The following KDM5B variants were observed in gnomAD, a reference collection of about 807,000 sequenced individuals.
The protein encoded by KDM5B is lysine demethylase 5B.
A neutral mutation model predicts 193.4 loss-of-function variants in KDM5B; 144 were observed. The observed-to-expected ratio is 0.74, with a 90% CI of 0.65 to 0.86. The LOEUF is 0.86. Among genes scored for constraint, KDM5B ranks in the 40% least tolerant of loss-of-function variants. KDM5B has a pLI of 0.00. For synonymous variants in KDM5B, 668 were observed against 682.6 expected, an observed-to-expected ratio of 0.98 and a Z score of 0.33; for missense variants, 1,833 against 1,886.9, an observed-to-expected ratio of 0.97 and a Z score of 0.53.
In KDM5B at chr1:202,780,809, CAT is replaced by C. The variant is rs761464376; in HGVS notation, c.205-3717_205-3716del. On this transcript the variant is annotated intron_variant, in intron 1 of 26. Transcript: ENST00000367265. ...TTACTAAAAAAAAAAAAAAAAAATACATATATATGTGGCAAAAGCTGTAATTT... is the reference window on the plus strand; with the variant it reads ...TTACTAAAAAAAAAAAAAAAAAATACATATATGTGGCAAAAGCTGTAATTT... 4.5e-3 allele frequency among the ~76,000 whole-genome samples: 634 copies of C among 141,162 alleles called. 1 individual carries two copies. The highest frequency in any genetic ancestry group is 6.0e-3 in the Non-Finnish European group (385 of 64,396). The allele number at this position is 141,162 out of a possible 152,430, so 92.6% of individuals were successfully genotyped here.
At chr1:202,747,005 C>CGTAT (rs1297166256) in intron 14 of KDM5B, among the ~76,000 whole-genome samples, 2 of 152,146 alleles carry the variant, frequency 1.3e-5, no homozygotes, top group Non-Finnish European at 2.9e-5. Context: ...CTTGGATACA[C>CGTAT]CTTTTGTCAT....
intron 1 of KDM5B, among the ~76,000 whole-genome samples, chr1:202,789,810 A>G (rs1043673495): frequency 6.6e-6 from 1 of 152,002 alleles, no homozygotes; most frequent in East Asian, 1.9e-4. Flanking sequence ...TACCATCTCT[A>G]CAAAATGTTA....
rs1361692190 is a variant in KDM5B at position 202,729,106 on chromosome 1, G to T, written c.4565C>A (p.Pro1522Gln). 6 of 1,613,960 alleles carry T rather than the reference G, an allele frequency of 3.7e-6. No individual in the cohort carries two copies. The highest frequency in any genetic ancestry group is 1.3e-5 in the African/African-American group (1 of 74,896). Residue 1522 changes from proline to glutamine, a missense_variant, in exon 27 of 27, where the codon CCA becomes CAA. Pro to Gln is a moderately conservative substitution (Grantham distance 76). Coordinates refer to ENST00000367265, the MANE Select transcript of KDM5B (RefSeq NM_006618.5). ...WFHQVCVGVS[P>Q]EMAEKEDYIC... ...GTAGTCTTCTTTCTCTGCCATCTCT[G>T]GGGAGACACCAACACAGACCTGATG...
Position 202,774,830 on chromosome 1 carries a change from A to G in KDM5B, c.283-95T>C, listed in dbSNP as rs146496472. Reference sequence around the variant, plus strand: ...TTCTTTCACAGAATATTTAAGTACAATACCACTTAAAAAAATTTTTTTTTA... The same window carrying G: ...TTCTTTCACAGAATATTTAAGTACAGTACCACTTAAAAAAATTTTTTTTTA... On this transcript the variant is annotated intron_variant, in intron 2 of 26. Transcript: ENST00000367265. 1,178 of 1,213,568 alleles carry G rather than the reference A, an allele frequency of 9.7e-4. 17 individuals are homozygous for G. The East Asian group carries it at 0.027, about 28-fold the overall frequency. 75.2% of individuals were successfully genotyped at this position (1,213,568 alleles called of 1,614,324 possible).
chr1:202,739,910 A>C (rs1655240824), intron 20 of KDM5B, among the ~76,000 whole-genome samples: 1 of 152,134 alleles, frequency 6.6e-6, no homozygotes, highest in Non-Finnish European at 1.5e-5. Flanking sequence ...CGATTTCTCA[A>C]TCTTTTCCCC....
Position 202,749,057 on chromosome 1 carries a change from T to C in KDM5B, c.1904A>G (p.Lys635Arg). Residue 635 changes from lysine to arginine, a missense_variant, in exon 14 of 27, where the codon AAG becomes AGG. Lys to Arg is a conservative substitution (Grantham distance 26). Transcript: ENST00000367265. ...CVFSHDEMICKMASKADVLDV... is the reference protein window; with the variant it reads ...CVFSHDEMICRMASKADVLDV... ...TAATACATCAGCCTTGGAAGCCATC[T>C]TGCAGATCATCTCATCGTGGGAAAA... The C allele has an allele frequency of 6.2e-7, 1 of 1,614,166 alleles. No homozygotes were observed. Among genetic ancestry groups the C allele is most frequent in the Non-Finnish European group, 8.5e-7 (1 of 1,179,994 alleles).
At chr1:202,746,479 T>C in intron 14 of KDM5B, 156 bp from the exon 15 acceptor site, 1 of 534,464 alleles carries the variant, frequency 1.9e-6, no homozygotes, top group Non-Finnish European at 3.2e-6. Flanking sequence ...AAGAAACAAA[T>C]GACCTAGCAA....
Position 202,753,069 on chromosome 1 carries a change from T to C in KDM5B, c.1539-2A>G. On this transcript the variant is annotated splice_acceptor_variant, in intron 11 of 26. Coordinates refer to ENST00000367265, the MANE Select transcript of KDM5B (RefSeq NM_006618.5). LOFTEE classifies it high-confidence loss of function. The stretch of plus-strand genomic sequence containing the variant: ...CCATACCAGGTTTTTGGCTCACCCC[T>C]GGAAATAGATTATAAAAATAAATCA... 6.2e-7 allele frequency: 1 copy of C among 1,606,056 alleles called. No homozygotes were observed. Among genetic ancestry groups the C allele is most frequent in the Non-Finnish European group, 8.5e-7 (1 of 1,177,404 alleles).
chr1:202,782,158 A>G (rs1170080032), intron 1 of KDM5B, among the ~76,000 whole-genome samples: 3 of 152,168 alleles, frequency 2.0e-5, no homozygotes, highest in African/African-American at 7.2e-5. Flanking sequence ...TCATTTTTGC[A>G]TGAAAAATGG....
At position 202,755,380 on chromosome 1, in the gene KDM5B, CAGT is replaced by C; in HGVS notation, c.1426_1428del (p.Thr476del). On this transcript the variant is annotated inframe_deletion, in exon 11 of 27. Transcript: ENST00000367265. ...GGAAGTTTCATGCCACATATATCAG[CAGT>C]AATATGTGCAAGGACAGACTGCTCC... 1 of 1,613,874 alleles carries C rather than the reference CAGT, an allele frequency of 6.2e-7. No homozygotes were observed. The highest frequency in any genetic ancestry group is 8.5e-7 in the Non-Finnish European group (1 of 1,179,756).
chr1:202,780,382 G>T (rs1657150530), intron 1 of KDM5B, among the ~76,000 whole-genome samples: 1 of 151,982 alleles, frequency 6.6e-6, no homozygotes, highest in Admixed American at 6.6e-5. Context: ...TAGAAACAGG[G>T]TTTCACCATG....
chr1:202,808,114 C>T lies in KDM5B; in HGVS notation c.192G>A (p.Val64=). ...PIAEQTGICK[V]RPPPDWQPPF... ...TGGCGTGACTCACCGGCGGCGGCCGCACCTTACAGATGCCAGTCTGCTCGG... is the reference window on the plus strand; with the variant it reads ...TGGCGTGACTCACCGGCGGCGGCCGTACCTTACAGATGCCAGTCTGCTCGG... The change falls in exon 1 of 27, where the codon GTG becomes GTA. Residue 64 remains valine (V), a synonymous_variant. Transcript: ENST00000367265. 2 of 1,611,136 alleles carry T rather than the reference C, an allele frequency of 1.2e-6. No individual in the cohort carries two copies. Among genetic ancestry groups the T allele is most frequent in the Non-Finnish European group, 8.5e-7 (1 of 1,178,992 alleles).
At position 202,784,624 on chromosome 1, in the gene KDM5B, T is replaced by G. The variant is rs958007021; in HGVS notation, c.205-7530A>C. On this transcript the variant is annotated intron_variant, in intron 1 of 26. Transcript: ENST00000367265. ...GTAGAACTAGGTCTATCACAACCAT[T>G]ATAAACTCCTATAAAAGACAAGCAG... Among the ~76,000 whole-genome samples, 10 of 152,158 alleles carry G rather than the reference T, an allele frequency of 6.6e-5. 1 individual carries two copies. The South Asian group carries it at 2.1e-3, about 32-fold the overall frequency.
chr1:202,749,108 T>A lies in KDM5B; in HGVS notation c.1853A>T (p.Tyr618Phe). ...CACACAATATCGATGAAGCAAGCGA[T>A]AATGCTCCACACACTGTCGGCCTAA... ...LPLGRQCVEHYRLLHRYCVFS... is the reference protein window; with the variant it reads ...LPLGRQCVEHFRLLHRYCVFS... The change falls in exon 14 of 27, where the codon TAT becomes TTT. Residue 618 changes from tyrosine (Y) to phenylalanine (F), a missense_variant. Tyr to Phe is a conservative substitution (Grantham distance 22, BLOSUM62 3). Coordinates refer to ENST00000367265, the MANE Select transcript of KDM5B (RefSeq NM_006618.5). 6.2e-7 allele frequency: 1 copy of A among 1,613,772 alleles called. No individual in the cohort carries two copies. The highest frequency in any genetic ancestry group is 8.5e-7 in the Non-Finnish European group (1 of 1,179,922).
In KDM5B at chr1:202,768,379, A is replaced by G. The variant is rs771827128; in HGVS notation, c.577-1319T>C. ...CCCTCTAGGGTGTGTTATAGCAGCT[A>G]TATCTGGAATGAGATACGTGGAAAT... On this transcript the variant is annotated intron_variant, in intron 4 of 26. Coordinates refer to ENST00000367265, the MANE Select transcript of KDM5B (RefSeq NM_006618.5). Among the ~76,000 whole-genome samples the G allele has an allele frequency of 4.6e-5, 7 of 152,180 alleles. No homozygotes were observed. The East Asian group carries it at 7.7e-4, about 17-fold the overall frequency.
Position 202,753,010 on chromosome 1 carries a change from A to G in KDM5B, c.1596T>C (p.Asn532=), listed in dbSNP as rs1464098097. 6.2e-7 allele frequency: 1 copy of G among 1,613,982 alleles called. No individual in the cohort carries two copies. Among genetic ancestry groups the G allele is most frequent in the Non-Finnish European group, 8.5e-7 (1 of 1,179,988 alleles). Residue 532 remains asparagine (N), a synonymous_variant, in exon 12 of 27, where the codon AAT becomes AAC. Transcript: ENST00000367265. ...VPGYAAEQLE[N]VMKKLAPELF... Reference sequence around the variant, plus strand: ...GTTCTGGAGCTAGTTTCTTCATTACATTTTCTAGCTGCTCAGCAGCATACC... The same window carrying G: ...GTTCTGGAGCTAGTTTCTTCATTACGTTTTCTAGCTGCTCAGCAGCATACC...
intron 4 of KDM5B, among the ~76,000 whole-genome samples, chr1:202,769,627 C>T (rs1656626038): frequency 7.6e-6 from 1 of 131,480 alleles, no homozygotes. Context: ...CGAGATCATG[C>T]CACTGCACTC....
At chr1:202,778,311 A>G (rs921894478) in intron 1 of KDM5B, among the ~76,000 whole-genome samples, 2 of 152,164 alleles carry the variant, frequency 1.3e-5, no homozygotes, top group Non-Finnish European at 2.9e-5. Flanking sequence ...ACACACACAC[A>G]CATATATGTA....
chr1:202,780,636 A>G (rs1409097430), intron 1 of KDM5B, among the ~76,000 whole-genome samples: 1 of 152,192 alleles, frequency 6.6e-6, no homozygotes, highest in Non-Finnish European at 1.5e-5. Context: ...ATGTTGGTAT[A>G]TCTACAACCA....
Sources: allele counts gnomAD v4.1 joint callset (sites outside exome capture counted in the v4.1 genomes callset), GRCh38; gene constraint gnomAD v4.1.1; transcripts MANE v1.5; gene names NCBI Gene and HGNC (gene_info 2026-07-23, HGNC 2026-07-21).